AK9: variants seen among roughly 807,000 people sequenced by gnomAD.
AK9 encodes adenylate kinase domain containing 1.
In AK9, 191 loss-of-function variants were observed where a neutral mutation model predicts 239.6. The ratio of observed to expected loss-of-function variants is 0.80; its 90% CI spans 0.71 to 0.90. The LOEUF (loss-of-function observed/expected upper bound fraction) is 0.90, where lower values mean the gene tolerates loss of function less well. AK9 is among the 40% of genes least tolerant of loss of function. AK9 has a pLI of 0.00. For missense variants in AK9, 1,995 were observed against 2,214.7 expected (o/e 0.90, Z 1.99); for synonymous variants, 689 against 721.0 (o/e 0.96, Z 0.71).
chr6:109,685,350 T>C (rs1032702717), intron 1 of AK9, among the ~76,000 whole-genome samples: 9 of 152,046 alleles, frequency 5.9e-5, no homozygotes, highest in African/African-American at 1.7e-4. Flanking sequence ...CAATAATAGA[T>C]TGGATAAAGA....
At chr6:109,571,472 A>G (rs1787405338) in intron 21 of AK9, among the ~76,000 whole-genome samples, 1 of 152,228 alleles carries the variant, frequency 6.6e-6, no homozygotes, top group Non-Finnish European at 1.5e-5. Context: ...ATTGGATCAC[A>G]GTTAGATAAA....
At chr6:109,519,183 C>T (rs185661832) in intron 29 of AK9, among the ~76,000 whole-genome samples, 4 of 152,228 alleles carry the variant, frequency 2.6e-5, no homozygotes, top group Admixed American at 2.6e-4. Flanking sequence ...CGGTATTATA[C>T]ATATGTAGCA....
chr6:109,585,979 C>G lies in AK9; in HGVS notation c.1936G>C (p.Ala646Pro). 1 of 1,551,332 alleles carries G rather than the reference C, an allele frequency of 6.4e-7. No individual in the cohort carries two copies. Among genetic ancestry groups the G allele is most frequent in the Non-Finnish European group, 8.7e-7 (1 of 1,146,830 alleles). Residue 646 changes from alanine (A) to proline (P), a missense_variant, in exon 18 of 41, where the codon GCC becomes CCC. Physicochemically the swap from Ala to Pro is conservative, Grantham distance 27. This residue lies in a region of AK9 where 1,290 missense variants were observed against 1,392.7 expected (regional missense o/e 0.93). Transcript: ENST00000424296. ...NCPIVKELWM[A>P]LIKKGIIPDL... ...GGTATAATTCCTTTCTTGATTAAGG[C>G]CATCCACAATTCTTTTACAATAGGG...
intron 10 of AK9, among the ~76,000 whole-genome samples, chr6:109,635,876 G>T (rs1796648363): frequency 6.6e-6 from 1 of 152,164 alleles, no homozygotes; most frequent in Non-Finnish European, 1.5e-5. Flanking sequence ...TAAGCACATG[G>T]TCCTGTGTGA....
At chr6:109,504,046 G>T (rs1777861479) in intron 35 of AK9, among the ~76,000 whole-genome samples, 1 of 152,194 alleles carries the variant, frequency 6.6e-6, no homozygotes, top group African/African-American at 2.4e-5. Flanking sequence ...CTCCTGATTA[G>T]AGTTGCTGGA....
At chr6:109,573,323 G>C (rs1583065197) in intron 21 of AK9, 119 bp downstream of exon 21, 1 of 1,097,710 alleles carries the variant, frequency 9.1e-7, no homozygotes, top group African/African-American at 1.6e-5. Flanking sequence ...CTCTCTGGGG[G>C]CTCATCTCTC....
At chr6:109,517,506 G>A (rs759047104) in intron 29 of AK9, among the ~76,000 whole-genome samples, 31 of 152,138 alleles carry the variant, frequency 2.0e-4, no homozygotes, top group African/African-American at 7.2e-4. Context: ...TCTTAACTGG[G>A]ACAAGATGTT....
chr6:109,574,270 G>A (rs980213947), intron 20 of AK9, among the ~76,000 whole-genome samples: 1 of 152,062 alleles, frequency 6.6e-6, no homozygotes, highest in Admixed American at 6.6e-5. Flanking sequence ...AGCTACTCAG[G>A]AGGCTTAGCA....
chr6:109,517,551 T>C (rs1779399830), intron 29 of AK9, among the ~76,000 whole-genome samples: 1 of 152,154 alleles, frequency 6.6e-6, no homozygotes, highest in Non-Finnish European at 1.5e-5. Context: ...TAAAAGTATC[T>C]CACAGGGTTG....
At chr6:109,569,615 C>T (rs1787115014) in intron 21 of AK9, among the ~76,000 whole-genome samples, 1 of 152,216 alleles carries the variant, frequency 6.6e-6, no homozygotes, top group African/African-American at 2.4e-5. Flanking sequence ...AAAAAGTGGG[C>T]AAAGGATATG....
At chr6:109,664,943 G>C (rs563941192) in intron 5 of AK9, among the ~76,000 whole-genome samples, 61 of 151,964 alleles carry the variant, frequency 4.0e-4, no homozygotes, top group African/African-American at 1.4e-3. Flanking sequence ...GGGAGGCTGA[G>C]GCAGGAGAAT....
intron 12 of AK9, among the ~76,000 whole-genome samples, chr6:109,630,447 A>G (rs1000449701): frequency 1.3e-5 from 2 of 152,224 alleles, no homozygotes; most frequent in Non-Finnish European, 2.9e-5. Flanking sequence ...GAAAGAGAAC[A>G]ATAAGATAGA....
At chr6:109,554,858 G>A (rs1784797656) in intron 24 of AK9, among the ~76,000 whole-genome samples, 1 of 152,126 alleles carries the variant, frequency 6.6e-6, no homozygotes, top group Non-Finnish European at 1.5e-5. Context: ...TGTGGGGTCA[G>A]TGGTGATATC....
At chr6:109,508,967 T>C (rs1453872260) in intron 33 of AK9, among the ~76,000 whole-genome samples, 1 of 152,218 alleles carries the variant, frequency 6.6e-6, no homozygotes, top group African/African-American at 2.4e-5. Context: ...TGAAGGGGCC[T>C]GCCTGCTAAT....
chr6:109,647,149 G>A (rs1486604906), intron 8 of AK9, among the ~76,000 whole-genome samples: 2 of 152,324 alleles, frequency 1.3e-5, no homozygotes, highest in East Asian at 1.9e-4. Context: ...AAGTTGTAAA[G>A]AGCATCAAGG....
chr6:109,593,803 A>G (rs560586206), intron 17 of AK9, among the ~76,000 whole-genome samples: 71 of 152,344 alleles, frequency 4.7e-4, no homozygotes, highest in African/African-American at 1.7e-3. Context: ...GGCCTTCAAC[A>G]AAATTCAACA....
chr6:109,511,277 T>A (rs753238696), intron 32 of AK9, among the ~76,000 whole-genome samples: 1 of 152,150 alleles, frequency 6.6e-6, no homozygotes, highest in Non-Finnish European at 1.5e-5. Flanking sequence ...CAGCATAGCA[T>A]ACCCTATACA....
chr6:109,574,499 CT>C (rs1468549522), intron 20 of AK9, among the ~76,000 whole-genome samples: 1 of 152,222 alleles, frequency 6.6e-6, no homozygotes, highest in Admixed American at 6.5e-5. Flanking sequence ...ATCTTCATTT[CT>C]TTTGGTGACA....
intron 17 of AK9, among the ~76,000 whole-genome samples, chr6:109,607,801 G>T (rs1793086398): frequency 6.6e-6 from 1 of 151,792 alleles, no homozygotes; most frequent in African/African-American, 2.4e-5. Flanking sequence ...GTGTGTGTGT[G>T]TGTGAAAATT....
Sources: allele counts gnomAD v4.1 joint callset (sites outside exome capture counted in the v4.1 genomes callset), GRCh38; gene constraint gnomAD v4.1.1; regional missense constraint gnomAD v4.1.1; transcripts MANE v1.5; gene names NCBI Gene and HGNC (gene_info 2026-07-23, HGNC 2026-07-21).